The following ERG variants were observed in gnomAD, a reference collection of about 807,000 sequenced individuals.
The protein encoded by ERG is transcriptional regulator ERG.
In ERG, 9 loss-of-function variants were observed where a neutral mutation model predicts 55.3. That is an observed-to-expected ratio of 0.16 (90% CI 0.10 to 0.28). The LOEUF is 0.28. Among genes scored for constraint, ERG ranks in the 10% least tolerant of loss-of-function variants. The probability of loss-of-function intolerance (pLI) is 1.00; values close to 1 mark genes in which losing one functional copy is unlikely to be tolerated. For synonymous variants in ERG, 223 were observed against 237.3 expected, an observed-to-expected ratio of 0.94 and a Z score of 0.55; for missense variants, 434 against 631.6, an observed-to-expected ratio of 0.69 and a Z score of 3.35.
rs544037525 is a variant in ERG, at chr21:38,480,591, CTTTTT to C, written c.18+17767_18+17771del. Among the ~76,000 whole-genome samples, 385 of 51,126 alleles carry C rather than the reference CTTTTT, an allele frequency of 7.5e-3. 1 individual carries two copies. The highest frequency in any genetic ancestry group is 0.013 in the African/African-American group (162 of 12,864). The allele number at this position is 51,126 out of a possible 152,430, so 33.5% of individuals were successfully genotyped here. A position where few individuals can be genotyped will look rare whatever the true frequency, so the allele number is the denominator to read the frequency against. Reference sequence around the variant, plus strand: ...TTGCCACTTTAGGGCACTATATGGCCTTTTTTTTTTTTTTTTTTTTTTTGCCTTAT... The same window carrying C: ...TTGCCACTTTAGGGCACTATATGGCCTTTTTTTTTTTTTTTTTTGCCTTAT... On this transcript the variant is annotated intron_variant, in intron 1 of 9. Transcript: ENST00000288319.
rs905349284 is a variant in ERG at position 38,623,617 on chromosome 21, G to T, written c.-150+38041C>A. Among the ~76,000 whole-genome samples the T allele has an allele frequency of 2.0e-5, 3 of 152,322 alleles. No individual in the cohort carries two copies. In the East Asian group the frequency reaches 5.8e-4, roughly 29 times the overall value. ...TACATCAGAGCTCATGTGTGTGTTA[G>T]TTTGTTGCAGGCGTCCTGGTAGCAG... On this transcript the variant is annotated intron_variant, in intron 1 of 10. Transcript: ENST00000398910.
rs1230302381 is a variant in ERG, at chr21:38,622,378, GCACACACCACACACCA to G, written c.-149-37449_-149-37434del. ...TCAGTAGGTAACACACACACTCACA[GCACACACCACACACCA>G]CACACACTACATGCTCATACATATC... is the stretch of plus-strand genomic sequence containing the variant. On this transcript the variant is annotated intron_variant, in intron 1 of 10. Transcript: ENST00000398910. 8.6e-5 allele frequency among the ~76,000 whole-genome samples: 13 copies of G among 151,182 alleles called. No individual in the cohort carries two copies. In the East Asian group the frequency reaches 1.7e-3, roughly 20 times the overall value.
chr21:38,455,061 T>A (rs1323504971), intron 1 of ERG, among the ~76,000 whole-genome samples: 1 of 152,090 alleles, frequency 6.6e-6, no homozygotes, highest in South Asian at 2.1e-4. Flanking sequence ...AATAAATTAA[T>A]AGATATACCA....
At chr21:38,429,524 T>C (rs1346320356) in intron 2 of ERG, among the ~76,000 whole-genome samples, 1 of 123,418 alleles carries the variant, frequency 8.1e-6, no homozygotes, top group African/African-American at 3.0e-5. Context: ...TATACATGTA[T>C]GCACATGTAC....
upstream of ERG, among the ~76,000 whole-genome samples, chr21:38,589,290 C>T (rs1246652133): frequency 2.0e-5 from 3 of 152,248 alleles, no homozygotes; most frequent in Non-Finnish European, 4.4e-5. Context: ...GACAGAGCAG[C>T]AGCAGCCGTC....
At chr21:38,570,416 TTC>T (rs1409731260) in intron 2 of ERG, among the ~76,000 whole-genome samples, 1 of 152,188 alleles carries the variant, frequency 6.6e-6, no homozygotes, top group Admixed American at 6.5e-5. Context: ...ACAAAGCGCG[TTC>T]TGTTTTCTGT....
At chr21:38,661,580 C>T (rs1470609367) in intron 1 of ERG, 3 of 152,256 alleles carry the variant, frequency 2.0e-5, no homozygotes, top group African/African-American at 4.8e-5. Context: ...TCAGCTTGTC[C>T]GCCTCCGGGG....
rs549438976 is a variant in ERG at position 38,542,617 on chromosome 21, T to C, written c.-41+33045A>G. 2.7e-4 allele frequency among the ~76,000 whole-genome samples: 41 copies of C among 152,312 alleles called. No individual in the cohort carries two copies. The South Asian group carries it at 7.3e-3, about 27-fold the overall frequency. On this transcript the variant is annotated intron_variant, in intron 2 of 8. Transcript: ENST00000398897. The stretch of plus-strand genomic sequence containing the variant: ...GTATTTCTAAAAATAGAGAAATAGA[T>C]TGGTTAAAAGAAAATGAATTGTTGG...
At chr21:38,603,769 A>G (rs2060179185) in intron 1 of ERG, among the ~76,000 whole-genome samples, 1 of 152,076 alleles carries the variant, frequency 6.6e-6, no homozygotes, top group Non-Finnish European at 1.5e-5. Flanking sequence ...GCGGAAGAAC[A>G]GTACTCTTAG....
intron 2 of ERG, among the ~76,000 whole-genome samples, chr21:38,505,861 G>A (rs1040230595): frequency 2.0e-5 from 3 of 152,124 alleles, no homozygotes; most frequent in African/African-American, 7.2e-5. Flanking sequence ...TTGAATTGTT[G>A]TCACTAGAGG....
At chr21:38,547,085 G>A (rs2059792425) in intron 2 of ERG, among the ~76,000 whole-genome samples, 1 of 152,162 alleles carries the variant, frequency 6.6e-6, no homozygotes, top group Non-Finnish European at 1.5e-5. Flanking sequence ...TTGGAAGAAG[G>A]AAGAGTCCAA....
intron 2 of ERG, among the ~76,000 whole-genome samples, chr21:38,559,325 T>C (rs1299617275): frequency 6.6e-6 from 1 of 151,246 alleles, no homozygotes; most frequent in Non-Finnish European, 1.5e-5. Flanking sequence ...TCTTTCCACT[T>C]GGCAGCAATG....
chr21:38,482,829 G>A (rs188919191), intron 1 of ERG, among the ~76,000 whole-genome samples: 27 of 151,924 alleles, frequency 1.8e-4, no homozygotes, highest in African/African-American at 5.8e-4. Context: ...AGGCACCCAC[G>A]ACCACACCCC....
At chr21:38,467,963 G>A (rs1484982752) in intron 1 of ERG, among the ~76,000 whole-genome samples, 4 of 152,208 alleles carry the variant, frequency 2.6e-5, no homozygotes, top group Non-Finnish European at 5.9e-5. Flanking sequence ...CCCATTCTGG[G>A]AGATATGTAA....
chr21:38,629,539 A>G (rs1253844804), intron 1 of ERG, among the ~76,000 whole-genome samples: 1 of 152,216 alleles, frequency 6.6e-6, no homozygotes, highest in Non-Finnish European at 1.5e-5. Flanking sequence ...CACATAGAAA[A>G]ATACTCAACA....
chr21:38,658,070 G>T (rs2060530033), intron 1 of ERG, among the ~76,000 whole-genome samples: 1 of 152,106 alleles, frequency 6.6e-6, no homozygotes, highest in African/African-American at 2.4e-5. Context: ...TAGCTGTATT[G>T]TGAAGGACCA....
At chr21:38,442,558 C>T (rs566054535) in intron 2 of ERG, among the ~76,000 whole-genome samples, 38 of 152,326 alleles carry the variant, frequency 2.5e-4, no homozygotes, top group African/African-American at 8.9e-4. Flanking sequence ...CGGAACTGCC[C>T]TGGTGTCTTT....
At chr21:38,429,355 C>T (rs905522538) in intron 2 of ERG, among the ~76,000 whole-genome samples, 5 of 148,748 alleles carry the variant, frequency 3.4e-5, no homozygotes, top group African/African-American at 1.2e-4. Flanking sequence ...CACACATATA[C>T]ATATATAATA....
At position 38,555,097 on chromosome 21, in the gene ERG, C is replaced by T. The variant is rs535948888; in HGVS notation, c.-41+20565G>A. On this transcript the variant is annotated intron_variant, in intron 2 of 8. Coordinates refer to the ERG transcript ENST00000398897. The stretch of plus-strand genomic sequence containing the variant: ...ATCCCAGCACTTTGGGATGCTGAGG[C>T]GGGCGGATTACCTGAGGTCAGGAGT... Among the ~76,000 whole-genome samples, 14 of 152,158 alleles carry T rather than the reference C, an allele frequency of 9.2e-5. No homozygotes were observed. In the East Asian group the frequency reaches 1.9e-3, roughly 21 times the overall value.
Sources: allele counts gnomAD v4.1 joint callset (sites outside exome capture counted in the v4.1 genomes callset), GRCh38; gene constraint gnomAD v4.1.1; transcripts MANE v1.5; gene names NCBI Gene and HGNC (gene_info 2026-07-23, HGNC 2026-07-21).